ASTN2: variants seen among roughly 807,000 people sequenced by gnomAD.
ASTN2 encodes the protein astrotactin 2.
In ASTN2, 54 loss-of-function variants were observed where a neutral mutation model predicts 139.8. The observed-to-expected ratio is 0.39, with a 90% confidence interval of 0.31 to 0.48. The LOEUF (loss-of-function observed/expected upper bound fraction) is 0.48, where lower values mean the gene tolerates loss of function less well. Among genes scored for constraint, ASTN2 ranks in the 20% least tolerant of loss-of-function variants. The probability of loss-of-function intolerance (pLI) is 0.95; values close to 1 mark genes in which losing one functional copy is unlikely to be tolerated. For synonymous variants in ASTN2, 756 were observed against 719.5 expected, an observed-to-expected ratio of 1.05 and a Z score of -0.81; for missense variants, 1,565 against 1,725.1, an observed-to-expected ratio of 0.91 and a Z score of 1.64.
chr9:116,761,318 A>G (rs1021103794), intron 13 of ASTN2, among the ~76,000 whole-genome samples: 2 of 152,162 alleles, frequency 1.3e-5, no homozygotes, highest in African/African-American at 4.8e-5. Context: ...TAATGATTAA[A>G]TTCTTATTAA....
intron 10 of ASTN2, among the ~76,000 whole-genome samples, chr9:116,964,355 T>C (rs887931783): frequency 5.9e-5 from 9 of 151,824 alleles, no homozygotes; most frequent in Admixed American, 1.3e-4. Context: ...CTGCAACGAG[T>C]GGGCCTTAAA....
At chr9:117,378,715 C>T (rs553298320) in intron 1 of ASTN2, among the ~76,000 whole-genome samples, 6 of 152,308 alleles carry the variant, frequency 3.9e-5, no homozygotes, top group Non-Finnish European at 4.4e-5. Context: ...TTTATCCCTC[C>T]CAAATTCTCT....
At chr9:117,142,390 G>C (rs1251613495) in intron 3 of ASTN2, among the ~76,000 whole-genome samples, 1 of 152,186 alleles carries the variant, frequency 6.6e-6, no homozygotes, top group African/African-American at 2.4e-5. Flanking sequence ...GGCAGCGAAG[G>C]TGACACAATA....
intron 1 of ASTN2, among the ~76,000 whole-genome samples, chr9:117,412,377 T>G (rs1831192693): frequency 6.6e-6 from 1 of 152,090 alleles, no homozygotes; most frequent in African/African-American, 2.4e-5. Context: ...GGGGGAAGTC[T>G]CCATGTGCAG....
chr9:116,864,631 A>G (rs2132342659), intron 10 of ASTN2, among the ~76,000 whole-genome samples: 1 of 152,284 alleles, frequency 6.6e-6, no homozygotes, highest in African/African-American at 2.4e-5. Flanking sequence ...AGGAGATTTT[A>G]AAGAAGCACC....
intron 10 of ASTN2, among the ~76,000 whole-genome samples, chr9:116,944,925 A>T (rs957626869): frequency 1.3e-5 from 2 of 152,186 alleles, no homozygotes; most frequent in Non-Finnish European, 2.9e-5. Context: ...TAGACCATAA[A>T]GATATGAATT....
intron 13 of ASTN2, among the ~76,000 whole-genome samples, chr9:116,770,285 A>T (rs1829923377): frequency 6.6e-6 from 1 of 152,036 alleles, no homozygotes; most frequent in Non-Finnish European, 1.5e-5. Context: ...AGGTTGTAGG[A>T]AAGATAGTTG....
At chr9:117,174,282 A>T (rs1830865923) in intron 3 of ASTN2, among the ~76,000 whole-genome samples, 1 of 151,964 alleles carries the variant, frequency 6.6e-6, no homozygotes, top group South Asian at 2.1e-4. Flanking sequence ...ATTAAACAAC[A>T]CAAGACAATA....
In ASTN2 at chr9:116,771,321, A is replaced by ATT. The variant is rs5900227; in HGVS notation, c.2396+34309_2396+34310dup. Among the ~76,000 whole-genome samples, 1,234 of 152,170 alleles carry ATT rather than the reference A, an allele frequency of 8.1e-3. 11 individuals carry two copies. Among genetic ancestry groups the ATT allele is most frequent in the African/African-American group, 0.028 (1,148 of 41,482 alleles). On this transcript the variant is annotated intron_variant, in intron 13 of 22. Coordinates refer to ENST00000313400, the MANE Select transcript of ASTN2 (RefSeq NM_001365068.1). Reference sequence around the variant, plus strand: ...TGTCACTTTACCCCTCCATGTTCCCATTTTTCAGCTGTCAGTGGAGGATAG... The same window carrying ATT: ...TGTCACTTTACCCCTCCATGTTCCCATTTTTTTCAGCTGTCAGTGGAGGATAG...
intron 4 of ASTN2, among the ~76,000 whole-genome samples, chr9:117,117,167 C>T (rs1587981252): frequency 6.6e-6 from 1 of 151,978 alleles, no homozygotes; most frequent in African/African-American, 2.4e-5. Context: ...GATGGGGTAC[C>T]TCAGTTTCCC....
intron 1 of ASTN2, among the ~76,000 whole-genome samples, chr9:117,345,508 CAAAG>C (rs1186541892): frequency 6.6e-6 from 1 of 152,194 alleles, no homozygotes; most frequent in East Asian, 1.9e-4. Context: ...AACTGTGGCT[CAAAG>C]AGATGACGAT....
intron 13 of ASTN2, among the ~76,000 whole-genome samples, chr9:116,758,108 A>G (rs866398948): frequency 2.6e-5 from 4 of 152,308 alleles, no homozygotes; most frequent in African/African-American, 9.6e-5. Flanking sequence ...TGAGGCCAAT[A>G]AAATCACTTC....
chr9:117,168,366 T>C (rs1830715648), intron 3 of ASTN2, among the ~76,000 whole-genome samples: 1 of 152,188 alleles, frequency 6.6e-6, no homozygotes, highest in Non-Finnish European at 1.5e-5. Flanking sequence ...ACATGGATCC[T>C]GTGATGACCT....
chr9:117,311,154 T>C (rs1019849927), intron 1 of ASTN2, among the ~76,000 whole-genome samples: 4 of 151,010 alleles, frequency 2.6e-5, no homozygotes, highest in Non-Finnish European at 5.9e-5. Context: ...CCAAGCTTAA[T>C]TGAGATAATG....
At chr9:117,322,959 T>A (rs78377257) in intron 1 of ASTN2, among the ~76,000 whole-genome samples, 1 of 151,742 alleles carries the variant, frequency 6.6e-6, no homozygotes, top group Non-Finnish European at 1.5e-5. Context: ...AGAACAATAA[T>A]TTTTTTTTCC....
At chr9:116,600,323 C>CAAAAAAAAAAAAAAAAAAAAAAAAAAA (rs35224783) in intron 19 of ASTN2, among the ~76,000 whole-genome samples, 4 of 118,942 alleles carry the variant, frequency 3.4e-5, no homozygotes, top group Non-Finnish European at 5.2e-5. Context: ...GACCCTGTCT[C>CAAAAAAAAAAAAAAAAAAAAAAAAAAA]AAAAAAAAAA....
intron 22 of ASTN2, among the ~76,000 whole-genome samples, chr9:116,430,789 G>C (rs1847471673): frequency 6.6e-6 from 1 of 152,256 alleles, no homozygotes; most frequent in African/African-American, 2.4e-5. Context: ...GCCATGGAGA[G>C]AAGGGTTGGA....
intron 10 of ASTN2, among the ~76,000 whole-genome samples, chr9:116,918,317 G>T (rs562285621): frequency 3.9e-5 from 6 of 152,302 alleles, no homozygotes; most frequent in Admixed American, 2.0e-4. Context: ...TTCTGCAGGT[G>T]ACTAGCAGTG....
At chr9:117,143,481 A>T (rs1830121944) in intron 3 of ASTN2, among the ~76,000 whole-genome samples, 1 of 152,142 alleles carries the variant, frequency 6.6e-6, no homozygotes, top group Non-Finnish European at 1.5e-5. Context: ...GAAGGGAATG[A>T]CCCACACAGG....
Sources: gnomAD v4.1 joint callset for allele counts (sites outside exome capture counted in the v4.1 genomes callset) on GRCh38, gnomAD v4.1.1 for gene constraint, MANE v1.5 for transcripts, NCBI Gene and HGNC (gene_info 2026-07-23, HGNC 2026-07-21) for gene names.